GALK2: variants seen among roughly 807,000 people sequenced by gnomAD.
GALK2 encodes the protein galactokinase 2, also known as N-acetylgalactosamine kinase.
GALK2 carries 36 observed loss-of-function variants against 52.4 expected under a neutral mutation model. The ratio of observed to expected loss-of-function variants is 0.69; its 90% CI spans 0.53 to 0.91. The LOEUF (loss-of-function observed/expected upper bound fraction) is 0.91. GALK2 is among the 40% of genes least tolerant of loss of function. GALK2 has a pLI of 0.00. For missense variants in GALK2, 579 were observed against 559.1 expected, an observed-to-expected ratio of 1.04 and a Z score of -0.36; for synonymous variants, 176 against 199.1, an observed-to-expected ratio of 0.88 and a Z score of 0.98.
rs3075141 is a variant in GALK2, at chr15:49,328,774, ATTT to A, written c.*628_*630del. 3.9e-3 allele frequency: 4,962 copies of A among 1,264,796 alleles called. No homozygotes were observed. The highest frequency in any genetic ancestry group is 0.011 in the South Asian group (520 of 47,700). 78.3% of individuals were successfully genotyped at this position (1,264,796 alleles called of 1,614,324 possible). A position where few individuals can be genotyped will look rare whatever the true frequency, so the allele number is the denominator to read the frequency against. On this transcript the variant is annotated 3_prime_UTR_variant, in exon 10 of 10. Transcript: ENST00000560031. Reference sequence around the variant, plus strand: ...TTCTCCAGTTATCAAGAGACTAAGGATTTTTTTTTTTTTTTGACAAAAGGAGGA... The same window carrying A: ...TTCTCCAGTTATCAAGAGACTAAGGATTTTTTTTTTTTGACAAAAGGAGGA...
At chr15:49,170,421 A>AGAT in intron 1 of GALK2, 46 bp downstream of exon 1, 1 of 1,552,280 alleles carries the variant, frequency 6.4e-7, no homozygotes, top group Non-Finnish European at 8.7e-7. Flanking sequence ...TGGGTTGGCT[A>AGAT]CGTGTAGATC....
chr15:49,335,041 G>GCT (rs991811049), downstream of GALK2, among the ~76,000 whole-genome samples: 1 of 152,118 alleles, frequency 6.6e-6, no homozygotes, highest in Middle Eastern at 3.2e-3. Context: ...CTTGACACCA[G>GCT]CCCAGCTGCC....
intron 6 of GALK2, 97 bp from the exon 7 acceptor site, chr15:49,283,469 C>A: frequency 9.6e-7 from 1 of 1,041,928 alleles, no homozygotes; most frequent in Non-Finnish European, 1.4e-6. Context: ...TGAATGAATG[C>A]ATTTTTGACA....
Position 49,331,640 on chromosome 15 carries a change from A to C in GALK2, c.*3481A>C. 1.6e-6 allele frequency: 1 copy of C among 606,714 alleles called. No individual in the cohort carries two copies. Among genetic ancestry groups the C allele is most frequent in the Admixed American group, 2.9e-5 (1 of 34,380 alleles). The allele number at this position is 606,714 out of a possible 1,614,324, so 37.6% of individuals were successfully genotyped here. ...CAGATTTTCTTACATGTGCATGTAGATGATTAAGTAACAAGAATGTATCCT... is the reference window on the plus strand; with the variant it reads ...CAGATTTTCTTACATGTGCATGTAGCTGATTAAGTAACAAGAATGTATCCT... On this transcript the variant is annotated 3_prime_UTR_variant, in exon 10 of 10. Transcript: ENST00000560031.
Position 49,263,551 on chromosome 15 carries a change from A to C in GALK2, c.505-18436A>C, listed in dbSNP as rs1040611054. 4.8e-4 allele frequency among the ~76,000 whole-genome samples: 48 copies of C among 100,974 alleles called. 2 individuals carry two copies. The highest frequency in any genetic ancestry group is 2.2e-3 in the African/African-American group (48 of 22,230). 66.2% of individuals were successfully genotyped at this position (100,974 alleles called of 152,430 possible). On this transcript the variant is annotated intron_variant, in intron 5 of 9. Coordinates refer to ENST00000560031, the MANE Select transcript of GALK2 (RefSeq NM_002044.4). ...TTGCCAGTCTGTGTCTTTTAATTGG[A>C]GCATTTAGTCCATTTACATTTAAAG...
intron 2 of GALK2, among the ~76,000 whole-genome samples, chr15:49,213,898 A>G (rs2089151071): frequency 6.6e-6 from 1 of 152,048 alleles, no homozygotes; most frequent in African/African-American, 2.4e-5. Context: ...CGGGTGGATC[A>G]TGGGGTCAGG....
At chr15:49,355,856 C>A (rs1192816733) in intron 3 of GALK2, among the ~76,000 whole-genome samples, 1 of 152,152 alleles carries the variant, frequency 6.6e-6, no homozygotes, top group East Asian at 1.9e-4. Context: ...TCGGGTCACC[C>A]TCAAAGGGAA....
chr15:49,299,073 T>G (rs2034733478), intron 8 of GALK2, among the ~76,000 whole-genome samples: 1 of 152,144 alleles, frequency 6.6e-6, no homozygotes, highest in African/African-American at 2.4e-5. Context: ...TATTATTGAT[T>G]CAATTTTAGA....
At chr15:49,340,908 A>C (rs2040623053) in intron 3 of GALK2, among the ~76,000 whole-genome samples, 1 of 152,170 alleles carries the variant, frequency 6.6e-6, no homozygotes, top group East Asian at 1.9e-4. Context: ...TCTTACATTT[A>C]AATATTTAAT....
intron 2 of GALK2, 96 bp from the exon 3 acceptor site, chr15:49,217,094 T>G: frequency 2.0e-6 from 2 of 1,014,984 alleles, no homozygotes; most frequent in South Asian, 3.4e-5. Flanking sequence ...TGTTAAAACC[T>G]GGCTCATGGT....
chr15:49,284,674 T>G (rs368209564), intron 7 of GALK2, among the ~76,000 whole-genome samples: 1 of 152,196 alleles, frequency 6.6e-6, no homozygotes, highest in Non-Finnish European at 1.5e-5. Flanking sequence ...AGTAATAATT[T>G]CATACCTTCT....
chr15:49,329,449 A>T lies in GALK2; in HGVS notation c.*1290A>T, dbSNP rs2038183622. The T allele has an allele frequency of 1.0e-6, 1 of 984,826 alleles. No homozygotes were observed. The highest frequency in any genetic ancestry group is 1.2e-6 in the Non-Finnish European group (1 of 829,340). The allele number at this position is 984,826 out of a possible 1,614,324, so 61.0% of individuals were successfully genotyped here. On this transcript the variant is annotated 3_prime_UTR_variant, in exon 10 of 10. Coordinates refer to ENST00000560031, the MANE Select transcript of GALK2 (RefSeq NM_002044.4). ...GAATTACTTATTATTCTGTGATTTC[A>T]TTAGCTCATTAATGTTTAACTCACA...
At chr15:49,170,641 A>C in intron 1 of GALK2, 4 of 441,132 alleles carry the variant, frequency 9.1e-6, no homozygotes, top group East Asian at 3.5e-5. Context: ...TAATTAGTGT[A>C]CTCTTTCTAC....
intron 8 of GALK2, among the ~76,000 whole-genome samples, chr15:49,314,806 C>T (rs1305688554): frequency 1.3e-5 from 2 of 152,336 alleles, no homozygotes; most frequent in East Asian, 3.9e-4. Flanking sequence ...GTGTGGGCTA[C>T]TCCAGATTGG....
At chr15:49,201,057 T>A (rs879047964) in intron 1 of GALK2, 105 bp from the exon 2 acceptor site, 2 of 383,888 alleles carry the variant, frequency 5.2e-6, no homozygotes, top group Non-Finnish European at 1.0e-5. Context: ...ATATGGAGTG[T>A]GTGTGTGTGT....
At position 49,331,741 on chromosome 15, in the gene GALK2, G is replaced by C. The variant is rs754888243; in HGVS notation, c.*3582G>C. On this transcript the variant is annotated 3_prime_UTR_variant, in exon 10 of 10. Coordinates refer to ENST00000560031, the MANE Select transcript of GALK2 (RefSeq NM_002044.4). ...TGTCCAGTCTATATAAAAGAAGCTA[G>C]AGAGAGAATTCTCAATTATTTTCAG... 8.1e-7 allele frequency: 1 copy of C among 1,240,030 alleles called. No homozygotes were observed. The highest frequency in any genetic ancestry group is 1.2e-5 in the South Asian group (1 of 83,080). 76.8% of individuals were successfully genotyped at this position (1,240,030 alleles called of 1,614,324 possible).
chr15:49,295,344 T>TATAG (rs945108429), intron 8 of GALK2, among the ~76,000 whole-genome samples: 55 of 151,646 alleles, frequency 3.6e-4, no homozygotes, highest in Middle Eastern at 3.4e-3. Context: ...TATATATATA[T>TATAG]ATAGATAGAT....
intron 1 of GALK2, among the ~76,000 whole-genome samples, chr15:49,179,931 A>G (rs1482771106): frequency 1.3e-5 from 2 of 152,134 alleles, no homozygotes; most frequent in African/African-American, 4.8e-5. Context: ...GTTAGGTATG[A>G]AGTTTAGAAA....
At chr15:49,185,207 C>G (rs1028783363) in intron 1 of GALK2, among the ~76,000 whole-genome samples, 2 of 152,078 alleles carry the variant, frequency 1.3e-5, no homozygotes, top group African/African-American at 4.8e-5. Flanking sequence ...TTAGCTCTTA[C>G]TCATAAGTAA....
Sources: allele counts gnomAD v4.1 joint callset (sites outside exome capture counted in the v4.1 genomes callset), GRCh38; gene constraint gnomAD v4.1.1; transcripts MANE v1.5; gene names NCBI Gene and HGNC (gene_info 2026-07-23, HGNC 2026-07-21).